The following CDK14 variants were observed in gnomAD, a reference collection of about 807,000 sequenced individuals.
CDK14 encodes the protein cyclin dependent kinase 14.
In CDK14, 34 loss-of-function variants were observed where a neutral mutation model predicts 60.7. That is an observed-to-expected ratio of 0.56 (90% CI 0.43 to 0.75). CDK14 has a LOEUF of 0.75. Ranked by LOEUF, CDK14 falls within the 30% of genes least tolerant of loss-of-function variation. The probability of loss-of-function intolerance (pLI) is 0.00; values close to 1 mark genes in which losing one functional copy is unlikely to be tolerated. For synonymous variants in CDK14, 197 were observed against 203.7 expected, an observed-to-expected ratio of 0.97 and a Z score of 0.28; for missense variants, 482 against 564.1, an observed-to-expected ratio of 0.85 and a Z score of 1.47.
intron 5 of CDK14, among the ~76,000 whole-genome samples, chr7:90,799,847 A>G (rs1438373423): frequency 6.6e-6 from 1 of 152,102 alleles, no homozygotes; most frequent in Non-Finnish European, 1.5e-5. Context: ...CCATTAAGTC[A>G]AGGTTAGCAA....
chr7:90,779,332 A>G (rs1217182307), intron 4 of CDK14, among the ~76,000 whole-genome samples: 1 of 152,174 alleles, frequency 6.6e-6, no homozygotes, highest in East Asian at 1.9e-4. Context: ...AGCTTGCTAT[A>G]ACCTTGAACT....
chr7:91,018,707 G>T (rs1796363698), intron 10 of CDK14, among the ~76,000 whole-genome samples: 1 of 152,172 alleles, frequency 6.6e-6, no homozygotes, highest in African/African-American at 2.4e-5. Context: ...TTAAAAGTGT[G>T]CAGCACCTCG....
At chr7:90,600,629 A>G (rs939066050) in intron 1 of CDK14, among the ~76,000 whole-genome samples, 1 of 152,240 alleles carries the variant, frequency 6.6e-6, no homozygotes, top group Non-Finnish European at 1.5e-5. Flanking sequence ...TCCAGTTGTC[A>G]TGTGACGAAT....
intron 14 of CDK14, among the ~76,000 whole-genome samples, chr7:91,166,760 T>G (rs2115774408): frequency 6.6e-6 from 1 of 152,342 alleles, no homozygotes; most frequent in South Asian, 2.1e-4. Flanking sequence ...TTCTTCTGAC[T>G]AGTCCCAACA....
At chr7:90,612,985 TTC>T (rs1799576028) in intron 2 of CDK14, among the ~76,000 whole-genome samples, 1 of 152,124 alleles carries the variant, frequency 6.6e-6, no homozygotes, top group African/African-American at 2.4e-5. Context: ...ACCTCCTTAA[TTC>T]TCTCATTGGA....
chr7:90,977,876 CCTTGTCCCGAT>C (rs1795123760), intron 9 of CDK14, among the ~76,000 whole-genome samples: 1 of 152,140 alleles, frequency 6.6e-6, no homozygotes, highest in Non-Finnish European at 1.5e-5. Context: ...ATGTCCACAA[CCTTGTCCCGAT>C]CTTGTAGATG....
At chr7:91,060,323 C>T (rs1229148268) in intron 11 of CDK14, among the ~76,000 whole-genome samples, 1 of 151,284 alleles carries the variant, frequency 6.6e-6, no homozygotes, top group Non-Finnish European at 1.5e-5. Context: ...TTCCTGAATA[C>T]AGCACACTAA....
chr7:90,924,799 T>C (rs1351853704), intron 8 of CDK14, among the ~76,000 whole-genome samples: 2 of 152,164 alleles, frequency 1.3e-5, no homozygotes, highest in South Asian at 4.1e-4. Flanking sequence ...CCTAGTTTCT[T>C]TTTTAAAAAA....
chr7:90,862,989 G>T (rs1791056491), intron 5 of CDK14, among the ~76,000 whole-genome samples, 186 bp from the exon 6 acceptor site: 1 of 152,126 alleles, frequency 6.6e-6, no homozygotes, highest in African/African-American at 2.4e-5. Flanking sequence ...AGACCAGCCT[G>T]GGCAGCATAG....
At chr7:90,614,575 C>T (rs7792416) in intron 2 of CDK14, among the ~76,000 whole-genome samples, 98,404 of 151,742 alleles carry the variant, frequency 0.65, 32,036 homozygotes, top group Middle Eastern at 0.75. Flanking sequence ...TCTTTCTTAG[C>T]AACTTAGTTT....
At chr7:90,609,192 T>A (rs1033850600) in intron 2 of CDK14, among the ~76,000 whole-genome samples, 3 of 151,966 alleles carry the variant, frequency 2.0e-5, no homozygotes, top group African/African-American at 7.3e-5. Context: ...ACCTGGCTAA[T>A]TTTTGTATTT....
At chr7:90,781,810 G>T (rs1001055447) in intron 4 of CDK14, among the ~76,000 whole-genome samples, 18 of 152,138 alleles carry the variant, frequency 1.2e-4, no homozygotes, top group African/African-American at 3.1e-4. Context: ...TGCTGTTTTG[G>T]TTACTGTAGC....
intron 6 of CDK14, among the ~76,000 whole-genome samples, chr7:90,877,440 G>T (rs546741828): frequency 6.6e-6 from 1 of 151,864 alleles, no homozygotes; most frequent in African/African-American, 2.4e-5. Context: ...ACTTGTGGTG[G>T]CAGCTATTTG....
At chr7:90,908,753 G>C (rs1174846293) in intron 7 of CDK14, among the ~76,000 whole-genome samples, 1 of 152,134 alleles carries the variant, frequency 6.6e-6, no homozygotes, top group African/African-American at 2.4e-5. Context: ...ATAAATTTCT[G>C]TTACTTCAGA....
chr7:90,723,552 T>C (rs1802531753), intron 2 of CDK14, among the ~76,000 whole-genome samples: 1 of 152,126 alleles, frequency 6.6e-6, no homozygotes. Flanking sequence ...AGAAACATTG[T>C]TCTTACAATG....
chr7:90,946,393 G>T (rs1584153344), intron 8 of CDK14, among the ~76,000 whole-genome samples: 2 of 152,220 alleles, frequency 1.3e-5, no homozygotes, highest in South Asian at 4.1e-4. Flanking sequence ...ATAAAGATGT[G>T]CATATCTTTT....
intron 10 of CDK14, among the ~76,000 whole-genome samples, chr7:91,000,442 TC>T (rs1280900440): frequency 6.6e-6 from 1 of 152,212 alleles, no homozygotes; most frequent in Non-Finnish European, 1.5e-5. Context: ...CCAGATTGTT[TC>T]CACCAATAGC....
chr7:90,733,777 C>A (rs562332474), intron 3 of CDK14, among the ~76,000 whole-genome samples: 12 of 152,286 alleles, frequency 7.9e-5, no homozygotes, highest in African/African-American at 2.6e-4. Flanking sequence ...CAGTCTGTGT[C>A]TTTTAATTGG....
intron 3 of CDK14, among the ~76,000 whole-genome samples, chr7:90,733,963 T>C (rs887866214): frequency 2.6e-5 from 4 of 152,220 alleles, no homozygotes; most frequent in African/African-American, 9.6e-5. Flanking sequence ...TTCCTTTCCA[T>C]GTTTAGTGCT....
Sources: gnomAD v4.1 joint callset for allele counts (sites outside exome capture counted in the v4.1 genomes callset) on GRCh38, gnomAD v4.1.1 for gene constraint, MANE v1.5 for transcripts, NCBI Gene and HGNC (gene_info 2026-07-23, HGNC 2026-07-21) for gene names.